The following PTPRN2 variants were observed in gnomAD, a reference collection of about 807,000 sequenced individuals.
The protein encoded by PTPRN2 is receptor-type tyrosine-protein phosphatase N2.
A neutral mutation model predicts 118.8 loss-of-function variants in PTPRN2; 74 were observed. That is an observed-to-expected ratio of 0.62 (90% CI 0.52 to 0.76). PTPRN2 has a LOEUF of 0.76. Ranked by LOEUF, PTPRN2 falls within the 30% of genes least tolerant of loss-of-function variation. The pLI, the probability that PTPRN2 is intolerant of heterozygous loss-of-function variation, is 0.00. For missense variants in PTPRN2, 1,481 were observed against 1,394.4 expected (o/e 1.06, Z -0.99); for synonymous variants, 641 against 608.0 (o/e 1.05, Z -0.80).
chr7:158,002,606 T>C (rs1363762079), intron 11 of PTPRN2, among the ~76,000 whole-genome samples: 2 of 151,856 alleles, frequency 1.3e-5, no homozygotes, highest in Non-Finnish European at 2.9e-5. Context: ...GAGCTTAGGG[T>C]TCATCTGAGG....
chr7:158,522,483 A>G lies in PTPRN2; in HGVS notation c.113-32698T>C, dbSNP rs552924178. Among the ~76,000 whole-genome samples, 8 of 151,084 alleles carry G rather than the reference A, an allele frequency of 5.3e-5. No homozygotes were observed. The South Asian group carries it at 1.7e-3, about 32-fold the overall frequency. ...AGAAAGGTCCACGTCAGAATGGTGGACTGTTTTAAGAGGAAGGTCCACGTC... is the reference window on the plus strand; with the variant it reads ...AGAAAGGTCCACGTCAGAATGGTGGGCTGTTTTAAGAGGAAGGTCCACGTC... On this transcript the variant is annotated intron_variant, in intron 1 of 22. Transcript: ENST00000389418.
intron 2 of PTPRN2, among the ~76,000 whole-genome samples, chr7:158,454,532 A>G (rs1363678267): frequency 6.7e-6 from 1 of 149,092 alleles, no homozygotes; most frequent in Non-Finnish European, 1.5e-5. Context: ...GTTGTTATGG[A>G]GGACAGACAA....
intron 3 of PTPRN2, among the ~76,000 whole-genome samples, chr7:158,291,370 T>A (rs1293582633): frequency 2.6e-5 from 4 of 152,244 alleles, no homozygotes; most frequent in African/African-American, 9.6e-5. Flanking sequence ...TATTTGTTGA[T>A]CTGGAGAAAC....
At chr7:158,280,690 G>T (rs1213540642) in intron 3 of PTPRN2, among the ~76,000 whole-genome samples, 1 of 150,686 alleles carries the variant, frequency 6.6e-6, no homozygotes, top group East Asian at 1.9e-4. Context: ...TTTCTCCACC[G>T]TCATTAAACC....
rs139205219 is a variant in PTPRN2 at position 157,586,297 on chromosome 7, T to G, written c.2497-8157A>C. ...ATCTGTGACGTAGCAGCCTCTGAAG[T>G]CATTTCCCCCCGCTAACCTCCTGAC... On this transcript the variant is annotated intron_variant, in intron 17 of 22. Transcript: ENST00000389418. 2.6e-3 allele frequency among the ~76,000 whole-genome samples: 402 copies of G among 152,208 alleles called. 3 individuals are homozygous for G. Among genetic ancestry groups the G allele is most frequent in the African/African-American group, 9.2e-3 (382 of 41,508 alleles).
chr7:158,466,384 A>T (rs1026855590), intron 2 of PTPRN2, among the ~76,000 whole-genome samples: 4 of 151,650 alleles, frequency 2.6e-5, no homozygotes, highest in African/African-American at 9.7e-5. Context: ...TTTTTTTTTT[A>T]AGATTCTACA....
chr7:158,488,582 T>G (rs1821199042), intron 2 of PTPRN2, among the ~76,000 whole-genome samples: 1 of 152,132 alleles, frequency 6.6e-6, no homozygotes, highest in Non-Finnish European at 1.5e-5. Flanking sequence ...GGCATTCACC[T>G]CGGCTCCCCC....
chr7:158,579,714 G>A (rs935258115), intron 1 of PTPRN2, among the ~76,000 whole-genome samples: 2 of 152,326 alleles, frequency 1.3e-5, no homozygotes, highest in Middle Eastern at 3.4e-3. Flanking sequence ...ATCACCAGCA[G>A]TTTCTGACTC....
chr7:158,524,487 A>AGTC (rs1554524728), intron 1 of PTPRN2, among the ~76,000 whole-genome samples: 13 of 104,370 alleles, frequency 1.2e-4, no homozygotes, highest in South Asian at 4.3e-4. Context: ...CCTGGAGCGG[A>AGTC]GTCTGCCCTG....
At chr7:157,909,718 C>T (rs1222275191) in intron 11 of PTPRN2, among the ~76,000 whole-genome samples, 1 of 152,224 alleles carries the variant, frequency 6.6e-6, no homozygotes, top group Non-Finnish European at 1.5e-5. Flanking sequence ...CTGTCTGTGC[C>T]CTCATCCAGC....
chr7:158,378,564 G>A (rs1463631262), intron 2 of PTPRN2, among the ~76,000 whole-genome samples: 1 of 152,148 alleles, frequency 6.6e-6, no homozygotes, highest in African/African-American at 2.4e-5. Context: ...GAGTCAAGCT[G>A]CCCAGTCTTC....
intron 12 of PTPRN2, among the ~76,000 whole-genome samples, chr7:157,827,078 C>T (rs2151152068): frequency 6.6e-6 from 1 of 152,282 alleles, no homozygotes; most frequent in Non-Finnish European, 1.5e-5. Flanking sequence ...TAACACAACA[C>T]TGCCAGACAT....
chr7:158,152,872 T>C (rs10259166), intron 6 of PTPRN2, among the ~76,000 whole-genome samples: 1,780 of 133,848 alleles, frequency 0.013, 116 homozygotes, highest in African/African-American at 0.048. Context: ...CACCAACCAG[T>C]GGGACAAGAG....
At chr7:158,333,223 C>T (rs1441735332) in intron 2 of PTPRN2, among the ~76,000 whole-genome samples, 1 of 124,768 alleles carries the variant, frequency 8.0e-6, no homozygotes, top group Non-Finnish European at 1.7e-5. Flanking sequence ...GCAGACGTGA[C>T]TCACACCCAC....
At chr7:158,475,482 C>T (rs867677842) in intron 2 of PTPRN2, among the ~76,000 whole-genome samples, 15 of 152,204 alleles carry the variant, frequency 9.9e-5, no homozygotes, top group African/African-American at 2.2e-4. Context: ...ACAAGCCAGC[C>T]GTGCACCAGG....
intron 3 of PTPRN2, among the ~76,000 whole-genome samples, chr7:158,241,032 G>A (rs187386441): frequency 6.6e-6 from 1 of 152,210 alleles, no homozygotes; most frequent in Admixed American, 6.5e-5. Flanking sequence ...TCAGGCCCAG[G>A]GCCCCCTGTG....
chr7:157,925,254 A>T (rs10270502), intron 11 of PTPRN2, among the ~76,000 whole-genome samples: 8 of 42,620 alleles, frequency 1.9e-4, no homozygotes, highest in African/African-American at 3.2e-4. Context: ...AGGCACCTGC[A>T]TTTAGCACGT....
At chr7:157,842,974 T>TG (rs1340101660) in intron 12 of PTPRN2, among the ~76,000 whole-genome samples, 1 of 152,202 alleles carries the variant, frequency 6.6e-6, no homozygotes, top group Non-Finnish European at 1.5e-5. Flanking sequence ...ACAGATCCAT[T>TG]GGACCCGGCC....
Position 158,279,289 on chromosome 7 carries a change from T to C in PTPRN2, c.277+37530A>G, listed in dbSNP as rs190188901. Among the ~76,000 whole-genome samples, 840 of 152,322 alleles carry C rather than the reference T, an allele frequency of 5.5e-3. 4 individuals are homozygous for C. Among genetic ancestry groups the C allele is most frequent in the Non-Finnish European group, 9.1e-3 (622 of 68,030 alleles). On this transcript the variant is annotated intron_variant, in intron 3 of 22. Coordinates refer to ENST00000389418, the MANE Select transcript of PTPRN2 (RefSeq NM_002847.5). ...CTTTAGCTAGACACAGAGTGCTGAT[T>C]TGTGCATTTACAATCCTTTAGCTAG...
Sources: gnomAD v4.1 joint callset for allele counts (sites outside exome capture counted in the v4.1 genomes callset) on GRCh38, gnomAD v4.1.1 for gene constraint, MANE v1.5 for transcripts, NCBI Gene and HGNC (gene_info 2026-07-23, HGNC 2026-07-21) for gene names.